ARHGAP19: variants seen among roughly 807,000 people sequenced by gnomAD.
The protein encoded by ARHGAP19 is Rho GTPase activating protein 19.
Under a neutral mutation model 60.9 loss-of-function variants are expected in ARHGAP19, and 48 were observed. That is an observed-to-expected ratio of 0.79 (90% CI 0.62 to 1.00). The LOEUF is 1.00. Among genes scored for constraint, ARHGAP19 ranks in the 50% least tolerant of loss-of-function variants. The pLI is 0.00. For missense variants in ARHGAP19, 562 were observed against 597.2 expected (o/e 0.94, Z 0.61); for synonymous variants, 209 against 215.5 (o/e 0.97, Z 0.27).
At chr10:97,285,345 A>AT (rs1289994886) in intron 1 of ARHGAP19, among the ~76,000 whole-genome samples, 5 of 151,360 alleles carry the variant, frequency 3.3e-5, no homozygotes, top group African/African-American at 7.3e-5. Context: ...ATTTTTATTT[A>AT]TTTTTTTTAA....
chr10:97,286,792 T>C (rs1214900508), intron 1 of ARHGAP19, among the ~76,000 whole-genome samples: 2 of 152,240 alleles, frequency 1.3e-5, no homozygotes, highest in Non-Finnish European at 2.9e-5. Context: ...AAGTCTCTTT[T>C]TAATTAAAAA....
At chr10:97,272,137 T>TTC (rs1185478933) in intron 1 of ARHGAP19, among the ~76,000 whole-genome samples, 1 of 139,208 alleles carries the variant, frequency 7.2e-6, no homozygotes, top group Non-Finnish European at 1.6e-5. Context: ...ATGTCTTTTT[T>TTC]TTTTTTTTTT....
rs370460676 is a variant in ARHGAP19 at position 97,252,404 on chromosome 10, T to C, written c.927+3914A>G. ...TTGGGAGGCTGAGGTGGGCGGATCATGAGGTCAGGAGATCGAGACCATCCT... is the reference window on the plus strand; with the variant it reads ...TTGGGAGGCTGAGGTGGGCGGATCACGAGGTCAGGAGATCGAGACCATCCT... On this transcript the variant is annotated intron_variant, in intron 6 of 11. Transcript: ENST00000358531. Among the ~76,000 whole-genome samples the C allele has an allele frequency of 7.3e-5, 11 of 150,502 alleles. No individual in the cohort carries two copies. In the East Asian group the frequency reaches 1.2e-3, roughly 16 times the overall value.
chr10:97,260,305 C>T (rs948132716), intron 4 of ARHGAP19, among the ~76,000 whole-genome samples: 10 of 149,196 alleles, frequency 6.7e-5, no homozygotes, highest in Admixed American at 2.0e-4. Flanking sequence ...CCGAGGCGGG[C>T]GGATCACAAG....
At chr10:97,274,232 A>C (rs1222626647) in intron 1 of ARHGAP19, among the ~76,000 whole-genome samples, 2 of 152,128 alleles carry the variant, frequency 1.3e-5, no homozygotes, top group Non-Finnish European at 1.5e-5. Context: ...TTGGGAGGCC[A>C]AAGTGGGTGG....
chr10:97,284,361 G>A (rs915335376), intron 1 of ARHGAP19, among the ~76,000 whole-genome samples: 2 of 152,114 alleles, frequency 1.3e-5, no homozygotes. Flanking sequence ...GACCTCAAGT[G>A]TTCTGCCCAC....
chr10:97,288,803 TCTCTC>T (rs1449309844), intron 1 of ARHGAP19, among the ~76,000 whole-genome samples: 300 of 148,070 alleles, frequency 2.0e-3, no homozygotes, highest in Middle Eastern at 7.1e-3. Context: ...ACCCCAAACT[TCTCTC>T]CTTTTTTTTT....
chr10:97,256,401 T>G lies in ARHGAP19; in HGVS notation c.844A>C (p.Thr282Pro). 6.2e-7 allele frequency: 1 copy of G among 1,612,658 alleles called. No homozygotes were observed. Among genetic ancestry groups the G allele is most frequent in the East Asian group, 2.2e-5 (1 of 44,874 alleles). The change falls in exon 6 of 12, where the codon ACT becomes CCT. Residue 282 changes from threonine (T) to proline (P), a missense_variant. Physicochemically the swap from Thr to Pro is conservative, Grantham distance 38. Transcript: ENST00000358531. Reference protein sequence around the residue: ...APHVLWPKNVTANDLQENITK... With the variant: ...APHVLWPKNVPANDLQENITK... ...ATATTCTCCTGAAGGTCATTTGCAG[T>G]GACCTATTCAGAGGAAAAGAAACCA...
chr10:97,232,396 CT>C (rs1173264627), intron 9 of ARHGAP19, among the ~76,000 whole-genome samples: 3 of 152,142 alleles, frequency 2.0e-5, no homozygotes, highest in Admixed American at 2.0e-4. Context: ...ATCTCCTGAC[CT>C]CGTGATCCGC....
intron 6 of ARHGAP19, among the ~76,000 whole-genome samples, chr10:97,255,299 A>T (rs1157107434): frequency 1.3e-5 from 2 of 152,180 alleles, no homozygotes; most frequent in Non-Finnish European, 2.9e-5. Flanking sequence ...ATGGCAAAAG[A>T]TGCTAAAATT....
rs7918330 is a variant in ARHGAP19, at chr10:97,267,963, T to G, written c.57-1838A>C. On this transcript the variant is annotated intron_variant, in intron 1 of 11. Coordinates refer to ENST00000358531, the MANE Select transcript of ARHGAP19 (RefSeq NM_032900.6). ...TCCCCATTGTCTTGGAAATTAGCAT[T>G]TGGCTCCTCCTTATCTACGCAAATT... Among the ~76,000 whole-genome samples the G allele has an allele frequency of 1.3e-3, 200 of 152,362 alleles. 1 individual carries two copies. The highest frequency in any genetic ancestry group is 4.6e-3 in the African/African-American group (193 of 41,582).
rs74347919 is a variant in ARHGAP19, at chr10:97,291,933, G to A, written c.56+639C>T. ...GTGGAAATAAAGTCATGATGTCCTG[G>A]ACTACAGATCCCTCTCCCATCTGCT... On this transcript the variant is annotated intron_variant, in intron 1 of 11. Coordinates refer to ENST00000358531, the MANE Select transcript of ARHGAP19 (RefSeq NM_032900.6). 3.3e-3 allele frequency among the ~76,000 whole-genome samples: 500 copies of A among 152,188 alleles called. 2 individuals are homozygous for A. The highest frequency in any genetic ancestry group is 5.1e-3 in the Non-Finnish European group (344 of 68,016).
At position 97,225,306 on chromosome 10, in the gene ARHGAP19, G is replaced by C. The variant is rs1246508421; in HGVS notation, c.*816C>G. 1 of 152,068 alleles carries C rather than the reference G, an allele frequency of 6.6e-6. No homozygotes were observed. The highest frequency in any genetic ancestry group is 1.5e-5 in the Non-Finnish European group (1 of 68,028). 9.4% of individuals were successfully genotyped at this position (152,068 alleles called of 1,614,324 possible). A position where few individuals can be genotyped will look rare whatever the true frequency, so the allele number is the denominator to read the frequency against. On this transcript the variant is annotated 3_prime_UTR_variant, in exon 12 of 12. Transcript: ENST00000358531. The stretch of plus-strand genomic sequence containing the variant: ...AGAGGAAATTGAATGAAGATAACAA[G>C]TTCAGCAAAACACAATTATTTTCAC...
At chr10:97,278,688 A>G (rs1176852987) in intron 1 of ARHGAP19, among the ~76,000 whole-genome samples, 2 of 152,178 alleles carry the variant, frequency 1.3e-5, no homozygotes, top group East Asian at 3.8e-4. Flanking sequence ...CCCTACATGT[A>G]AGGTGATATG....
At chr10:97,250,353 T>C (rs1354027013) in intron 6 of ARHGAP19, among the ~76,000 whole-genome samples, 1 of 151,656 alleles carries the variant, frequency 6.6e-6, no homozygotes, top group East Asian at 1.9e-4. Context: ...AAGAGTCTCA[T>C]GACAAAAACA....
intron 1 of ARHGAP19, among the ~76,000 whole-genome samples, chr10:97,271,155 T>C (rs1278410773): frequency 6.6e-6 from 1 of 152,134 alleles, no homozygotes; most frequent in Non-Finnish European, 1.5e-5. Context: ...TACATTAAAT[T>C]TTTCTGTATA....
intron 5 of ARHGAP19, among the ~76,000 whole-genome samples, chr10:97,258,474 C>T (rs752651503): frequency 5.3e-5 from 8 of 152,064 alleles, no homozygotes; most frequent in Non-Finnish European, 7.4e-5. Context: ...GCAGAGATTG[C>T]ACTGAGCTGA....
chr10:97,252,565 A>G (rs1242033116), intron 6 of ARHGAP19, among the ~76,000 whole-genome samples: 1 of 152,108 alleles, frequency 6.6e-6, no homozygotes, highest in Non-Finnish European at 1.5e-5. Flanking sequence ...CAGAGCTTGC[A>G]GTGAGCTGAG....
chr10:97,262,475 G>A (rs956034893), intron 4 of ARHGAP19, among the ~76,000 whole-genome samples: 10 of 151,900 alleles, frequency 6.6e-5, no homozygotes, highest in African/African-American at 2.4e-4. Flanking sequence ...GACCAGCCTG[G>A]CCAACATGGT....
Sources: gnomAD v4.1 joint callset for allele counts (sites outside exome capture counted in the v4.1 genomes callset) on GRCh38, gnomAD v4.1.1 for gene constraint, MANE v1.5 for transcripts, NCBI Gene and HGNC (gene_info 2026-07-23, HGNC 2026-07-21) for gene names.